The following MILR1 variants were observed in gnomAD, a reference collection of about 807,000 sequenced individuals.
MILR1 encodes mast cell immunoglobulin like receptor 1, also known as allergin-1.
MILR1 carries 31 observed loss-of-function variants against 18.5 expected under a neutral mutation model. That is an observed-to-expected ratio of 1.68 (90% confidence interval 1.26 to 2.26). The LOEUF is 2.26. Ranked by LOEUF, MILR1 falls within the 30% of genes most tolerant of loss-of-function variation. MILR1 has a pLI of 0.00. For synonymous variants in MILR1, 85 were observed against 56.2 expected (o/e 1.51, Z -2.30); for missense variants, 257 against 157.4 (o/e 1.63, Z -3.38).
chr17:64,483,996 T>C, the MILR1 span: 1 of 152,332 alleles, frequency 6.6e-6, no homozygotes, highest in African/African-American at 2.4e-5. Flanking sequence ...ATTATAGGCG[T>C]GAGCCATTCA....
chr17:64,467,595 T>A lies in MILR1; in HGVS notation c.1010T>A (p.Val337Asp). 1 of 1,561,698 alleles carries A rather than the reference T, an allele frequency of 6.4e-7. No individual in the cohort carries two copies. The highest frequency in any genetic ancestry group is 8.7e-7 in the Non-Finnish European group (1 of 1,143,802). Residue 337 changes from valine to aspartate, a missense_variant, in exon 9 of 10, where the codon GTC becomes GAC. Physicochemically the swap from Val to Asp is radical, Grantham distance 152. Transcript: ENST00000619286. ...EACDSYKSGYVYSELNF is the reference protein window; with the variant it reads ...EACDSYKSGYDYSELNF ...TGTGATTCTTATAAATCTGGATATGTCTATTCTGAACTCAACTTCTGAAAT... is the reference window on the plus strand; with the variant it reads ...TGTGATTCTTATAAATCTGGATATGACTATTCTGAACTCAACTTCTGAAAT...
At chr17:64,449,738 C>T (rs1025685829) in intron 2 of MILR1, among the ~76,000 whole-genome samples, 1 of 151,882 alleles carries the variant, frequency 6.6e-6, no homozygotes, top group Admixed American at 6.6e-5. Flanking sequence ...GAGTTTGAGA[C>T]CAGCCTGAAC....
chr17:64,450,498 A>G (rs1385011925), intron 2 of MILR1, among the ~76,000 whole-genome samples: 1 of 151,872 alleles, frequency 6.6e-6, no homozygotes, highest in Non-Finnish European at 1.5e-5. Flanking sequence ...TTTGTTTTTG[A>G]GACAGAGTTT....
Position 64,465,535 on chromosome 17 carries a change from C to A in MILR1, c.847C>A (p.Gln283Lys). The change falls in exon 6 of 10, where the codon CAA (glutamine) becomes AAA (lysine). Residue 283 changes from glutamine (Q) to lysine (K), a missense_variant. Physicochemically the swap from Gln to Lys is moderately conservative, Grantham distance 53 (BLOSUM62 1). Transcript: ENST00000619286. ...VGIYANILEKQAKEESVPEVG... is the reference protein window; with the variant it reads ...VGIYANILEKKAKEESVPEVG... The stretch of plus-strand genomic sequence containing the variant: ...AATCTATGCAAATATCCTTGAAAAA[C>A]AAGCAAGTAAGAGAACTTTGTTGCG... 14 of 1,605,926 alleles carry A rather than the reference C, an allele frequency of 8.7e-6. No individual in the cohort carries two copies. Among genetic ancestry groups the A allele is most frequent in the Non-Finnish European group, 1.2e-5 (14 of 1,176,290 alleles).
the MILR1 span, chr17:64,481,486 A>G: frequency 1.3e-6 from 1 of 753,538 alleles, no homozygotes; most frequent in African/African-American, 1.9e-5. Context: ...GCCTTTCTTA[A>G]GAGTATTTAA....
the MILR1 span, among the ~76,000 whole-genome samples, chr17:64,474,364 C>T: frequency 2.6e-5 from 4 of 151,866 alleles, no homozygotes; most frequent in Middle Eastern, 3.4e-3. Flanking sequence ...CGTGAGCCAC[C>T]GTGCCCGGCC....
At chr17:64,459,992 TTTTATTTATTTATTTATTTA>T (rs202053813) in intron 4 of MILR1, among the ~76,000 whole-genome samples, 51 of 125,368 alleles carry the variant, frequency 4.1e-4, no homozygotes, top group East Asian at 1.1e-3. Flanking sequence ...TTTTATTTTA[TTTTATTTATTTATTTATTTA>T]TTTATTTATT....
chr17:64,488,690 G>A, the MILR1 span, among the ~76,000 whole-genome samples: 34 of 152,232 alleles, frequency 2.2e-4, no homozygotes, highest in African/African-American at 8.2e-4. Flanking sequence ...AATGAAGTGT[G>A]ATGGTGGTGG....
At chr17:64,487,124 GCTT>G in the MILR1 span, 1 of 150,894 alleles carries the variant, frequency 6.6e-6, no homozygotes, top group Admixed American at 6.6e-5. Context: ...TAAATCCTCA[GCTT>G]CTGTTAATTA....
At chr17:64,481,414 C>T in the MILR1 span, 2 of 985,188 alleles carry the variant, frequency 2.0e-6, no homozygotes, top group South Asian at 4.7e-5. Context: ...GTCTCAATCA[C>T]CCAGACAGAA....
At chr17:64,489,660 T>C in the MILR1 span, among the ~76,000 whole-genome samples, 6 of 152,172 alleles carry the variant, frequency 3.9e-5, no homozygotes, top group East Asian at 1.2e-3. Flanking sequence ...CTTGGGAGGC[T>C]GAGGCAGGAT....
At chr17:64,453,467 T>G (rs930725739) in intron 3 of MILR1, among the ~76,000 whole-genome samples, 1 of 151,352 alleles carries the variant, frequency 6.6e-6, no homozygotes, top group Non-Finnish European at 1.5e-5. Flanking sequence ...GTCTTATATC[T>G]CAACAATAAT....
chr17:64,451,816 C>T (rs2144001505), intron 2 of MILR1, among the ~76,000 whole-genome samples: 1 of 151,914 alleles, frequency 6.6e-6, no homozygotes, highest in South Asian at 2.1e-4. Context: ...GCCTATAGTT[C>T]AGCTACTCAG....
At chr17:64,460,241 G>T (rs1568067475) in intron 4 of MILR1, among the ~76,000 whole-genome samples, 1 of 152,026 alleles carries the variant, frequency 6.6e-6, no homozygotes, top group South Asian at 2.1e-4. Flanking sequence ...GGCCAGGCTG[G>T]TCTCAAACTC....
the MILR1 span, among the ~76,000 whole-genome samples, chr17:64,484,670 GAAGTGGAGTGT>G: frequency 1.3e-5 from 2 of 152,180 alleles, no homozygotes; most frequent in Non-Finnish European, 1.5e-5. Flanking sequence ...TGATGGTTTG[GAAGTGGAGTGT>G]AAGAAAAAGA....
At chr17:64,497,198 G>T in the MILR1 span, among the ~76,000 whole-genome samples, 2 of 152,240 alleles carry the variant, frequency 1.3e-5, no homozygotes, top group Non-Finnish European at 2.9e-5. Flanking sequence ...CTTGCCGTTC[G>T]CGTCGCGCCC....
chr17:64,455,806 A>C (rs1426254660), intron 3 of MILR1, among the ~76,000 whole-genome samples: 2 of 151,202 alleles, frequency 1.3e-5, no homozygotes, highest in Non-Finnish European at 2.9e-5. Flanking sequence ...TGGGAGGTTG[A>C]GTGGGGGCAG....
At position 64,452,723 on chromosome 17, in the gene MILR1, A is replaced by G; in HGVS notation, c.224A>G (p.His75Arg). The G allele has an allele frequency of 2.1e-6, 1 of 475,276 alleles. No homozygotes were observed. The highest frequency in any genetic ancestry group is 3.9e-6 in the Non-Finnish European group (1 of 259,008). The allele number at this position is 475,276 out of a possible 1,614,324, so 29.4% of individuals were successfully genotyped here. A position where few individuals can be genotyped will look rare whatever the true frequency, so the allele number is the denominator to read the frequency against. ...TATTCATTGTTTCGACGTAAGACAC[A>G]CCTGGGAACCCAGGATGGAAAAGGT... ...ITYSLFRRKT[H>R]LGTQDGKGEP... The change falls in exon 3 of 10, where the codon CAC (histidine) becomes CGC (arginine). Residue 75 changes from histidine to arginine, a missense_variant. Coordinates refer to ENST00000619286, the MANE Select transcript of MILR1 (RefSeq NM_001085423.2).
chr17:64,471,147 T>G (rs2037682036), downstream of MILR1, among the ~76,000 whole-genome samples: 1 of 151,894 alleles, frequency 6.6e-6, no homozygotes, highest in Non-Finnish European at 1.5e-5. Context: ...GAGCCTGAAA[T>G]AAGGCCTTCT....
Sources: allele counts gnomAD v4.1 joint callset (sites outside exome capture counted in the v4.1 genomes callset), GRCh38; gene constraint gnomAD v4.1.1; transcripts MANE v1.5; gene names NCBI Gene and HGNC (gene_info 2026-07-23, HGNC 2026-07-21).